The following MBP variants were observed in gnomAD, a reference collection of about 807,000 sequenced individuals.
MBP encodes the protein Golli-MBP.
MBP carries 16 observed loss-of-function variants against 35.8 expected under a neutral mutation model. The ratio of observed to expected loss-of-function variants is 0.45; its 90% CI spans 0.30 to 0.68. The LOEUF is 0.68. Among genes scored for constraint, MBP ranks in the 30% least tolerant of loss-of-function variants. The probability of loss-of-function intolerance (pLI) is 0.08; values close to 1 mark genes in which losing one functional copy is unlikely to be tolerated. For missense variants in MBP, 380 were observed against 404.7 expected, an observed-to-expected ratio of 0.94 and a Z score of 0.52; for synonymous variants, 143 against 159.6, an observed-to-expected ratio of 0.90 and a Z score of 0.78.
intron 2 of MBP, chr18:77,093,146 G>T (rs1288238687): frequency 6.6e-6 from 1 of 152,336 alleles, no homozygotes; most frequent in Non-Finnish European, 1.5e-5. Context: ...AAGCTGGATT[G>T]TGTGCCTGGA....
At chr18:77,053,136 C>T (rs1259719940) in intron 3 of MBP, among the ~76,000 whole-genome samples, 11 of 152,232 alleles carry the variant, frequency 7.2e-5, no homozygotes, top group African/African-American at 2.4e-5. Context: ...AGCACAGGCT[C>T]GCATGTCTCC....
chr18:77,060,023 A>G (rs968426255), intron 3 of MBP, among the ~76,000 whole-genome samples: 1 of 152,198 alleles, frequency 6.6e-6, no homozygotes, highest in South Asian at 2.1e-4. Context: ...ATAGCAAATT[A>G]TGGGCTGGGC....
intron 1 of MBP, among the ~76,000 whole-genome samples, chr18:77,116,687 C>T (rs1166762531): frequency 2.6e-5 from 4 of 152,168 alleles, no homozygotes; most frequent in East Asian, 1.9e-4. Context: ...GGCGAAACCC[C>T]GTCTCTGCTA....
intron 4 of MBP, among the ~76,000 whole-genome samples, chr18:76,998,366 A>G (rs567634123): frequency 6.6e-6 from 1 of 152,178 alleles, no homozygotes; most frequent in South Asian, 2.1e-4. Flanking sequence ...AGGCTGAACG[A>G]CATCCACGGC....
At chr18:76,986,044 G>A (rs1969540148) in intron 7 of MBP, 3 of 985,548 alleles carry the variant, frequency 3.0e-6, no homozygotes, top group Non-Finnish European at 3.6e-6. Flanking sequence ...GGGGAGGAAG[G>A]GAAGGAGCTC....
chr18:77,033,091 C>T (rs577122369), intron 3 of MBP, among the ~76,000 whole-genome samples: 1 of 152,306 alleles, frequency 6.6e-6, no homozygotes, highest in African/African-American at 2.4e-5. Flanking sequence ...CCTCAGCCTC[C>T]TGAGTAGCTA....
In MBP at chr18:77,016,485, A is replaced by T. The variant is rs1320015722; in HGVS notation, c.576+347T>A. ...GCTGCAGAGGCAACATCAGTCATCA[A>T]GTCCGCAAGCACACACCACCAGAGA... is the stretch of plus-strand genomic sequence containing the variant. On this transcript the variant is annotated intron_variant, in intron 4 of 8. Transcript: ENST00000355994. The T allele has an allele frequency of 3.6e-6, 4 of 1,125,150 alleles. No homozygotes were observed. In the African/African-American group the frequency reaches 4.7e-5, roughly 13 times the overall value. 69.7% of individuals were successfully genotyped at this position (1,125,150 alleles called of 1,614,324 possible).
At chr18:77,079,891 A>C (rs1278292874) in intron 2 of MBP, among the ~76,000 whole-genome samples, 1 of 152,192 alleles carries the variant, frequency 6.6e-6, no homozygotes, top group African/African-American at 2.4e-5. Context: ...GAGGAGAAGC[A>C]CCTTACAGCA....
intron 3 of MBP, among the ~76,000 whole-genome samples, chr18:77,033,444 G>C (rs1972614987): frequency 6.6e-6 from 1 of 152,006 alleles, no homozygotes; most frequent in South Asian, 2.1e-4. Context: ...CCTTGGTCTT[G>C]GTGCACAATT....
intron 2 of MBP, 83 bp downstream of exon 2, chr18:77,105,128 G>T: frequency 7.7e-7 from 1 of 1,302,646 alleles, no homozygotes; most frequent in Non-Finnish European, 1.1e-6. Context: ...AAGAGCCCAT[G>T]CCCGTAGCCT....
chr18:76,987,976 C>G (rs1969652523), intron 7 of MBP: 1 of 1,232,464 alleles, frequency 8.1e-7, no homozygotes, highest in Non-Finnish European at 1.0e-6. Flanking sequence ...ATTATTTAAA[C>G]ACATACAAAA....
At chr18:77,057,389 T>C (rs1214851921) in intron 3 of MBP, among the ~76,000 whole-genome samples, 4 of 152,210 alleles carry the variant, frequency 2.6e-5, no homozygotes, top group East Asian at 1.9e-4. Flanking sequence ...CTATGATTTA[T>C]ACCCAGCCCA....
intron 2 of MBP, among the ~76,000 whole-genome samples, chr18:77,093,604 C>G (rs1411918151): frequency 6.6e-6 from 1 of 152,182 alleles, no homozygotes; most frequent in Non-Finnish European, 1.5e-5. Context: ...CAAGCATGGA[C>G]GAGAGACTTC....
rs185429327 is a variant in MBP at position 77,101,214 on chromosome 18, C to T, written c.51+3997G>A. Among the ~76,000 whole-genome samples the T allele has an allele frequency of 1.4e-3, 207 of 152,348 alleles. No individual in the cohort carries two copies. Among genetic ancestry groups the T allele is most frequent in the African/African-American group, 4.1e-3 (170 of 41,578 alleles). On this transcript the variant is annotated intron_variant, in intron 2 of 8. Transcript: ENST00000355994. The surrounding 1 kb of genome is among the most constrained non-coding windows in gnomAD (Gnocchi z 4.3). ...CTGCCCCTCTCCTGGCATTGAGGCACGTCCCTGGGTTCTCCAGGGCAGCTG... is the reference window on the plus strand; with the variant it reads ...CTGCCCCTCTCCTGGCATTGAGGCATGTCCCTGGGTTCTCCAGGGCAGCTG...
At chr18:77,087,335 G>T (rs1975285352) in intron 2 of MBP, 1 of 152,236 alleles carries the variant, frequency 6.6e-6, no homozygotes. Flanking sequence ...CAACATTGAT[G>T]ATGACCTTAC....
Position 76,984,885 on chromosome 18 carries a change from C to G in MBP, c.760G>C (p.Gly254Arg). 6.2e-7 allele frequency: 1 copy of G among 1,613,416 alleles called. No homozygotes were observed. The highest frequency in any genetic ancestry group is 2.2e-5 in the East Asian group (1 of 44,880). ...CCGTAGCCAAATCCTGGTCTCTGGC[C>G]TTCGGCCCCCTGCAAGAGAAGACCA... ...SLSRFSWGAE[G>R]QRPGFGYGGR... Residue 254 changes from glycine (G) to arginine (R), a missense_variant, in exon 8 of 9, where the codon GGC (glycine) becomes CGC (arginine). Physicochemically the swap from Gly to Arg is moderately radical, Grantham distance 125. Coordinates refer to ENST00000355994, the MANE Select transcript of MBP (RefSeq NM_001025101.2).
intron 2 of MBP, chr18:77,067,868 G>A: frequency 2.0e-6 from 1 of 509,436 alleles, no homozygotes; most frequent in Non-Finnish European, 3.9e-6. Context: ...AGACCACCCT[G>A]AAGTCTGATT....
intron 3 of MBP, among the ~76,000 whole-genome samples, chr18:77,025,647 C>T (rs1234930101): frequency 1.3e-5 from 2 of 150,800 alleles, no homozygotes; most frequent in Non-Finnish European, 2.9e-5. Context: ...AATATCCATA[C>T]CTGACTGTCT....
rs1400715121 is a variant in MBP at position 77,086,353 on chromosome 18, GATCA to G, written c.51+18854_51+18857del. Reference sequence around the variant, plus strand: ...AGTGCGAATAGATGCCAACCATCACGATCAATTAGGGACAATTCCTCATTTTCAA... The same window carrying G: ...AGTGCGAATAGATGCCAACCATCACGATTAGGGACAATTCCTCATTTTCAA... On this transcript the variant is annotated intron_variant, in intron 2 of 8. Coordinates refer to ENST00000355994, the MANE Select transcript of MBP (RefSeq NM_001025101.2). Among the ~76,000 whole-genome samples, 5 of 152,178 alleles carry G rather than the reference GATCA, an allele frequency of 3.3e-5. 1 individual carries two copies. Among genetic ancestry groups the G allele is most frequent in the African/African-American group, 1.2e-4 (5 of 41,446 alleles).
Sources: allele counts gnomAD v4.1 joint callset (sites outside exome capture counted in the v4.1 genomes callset), GRCh38; gene constraint gnomAD v4.1.1; non-coding constraint Gnocchi (gnomAD v3.1); transcripts MANE v1.5; gene names NCBI Gene and HGNC (gene_info 2026-07-23, HGNC 2026-07-21).